SH3PXD2A: variants seen among roughly 807,000 people sequenced by gnomAD.
SH3PXD2A encodes SH3 and PX domains 2A.
SH3PXD2A carries 32 observed loss-of-function variants against 115.2 expected under a neutral mutation model. The ratio of observed to expected loss-of-function variants is 0.28; its 90% confidence interval spans 0.21 to 0.37. The LOEUF (loss-of-function observed/expected upper bound fraction) is 0.37. SH3PXD2A is among the 10% of genes least tolerant of loss of function. The pLI is 1.00. For synonymous variants in SH3PXD2A, 610 were observed against 629.1 expected (o/e 0.97, Z 0.45); for missense variants, 1,328 against 1,498.7 (o/e 0.89, Z 1.88).
chr10:103,786,126 C>A (rs943292781), intron 2 of SH3PXD2A, among the ~76,000 whole-genome samples: 1 of 152,190 alleles, frequency 6.6e-6, no homozygotes, highest in Non-Finnish European at 1.5e-5. Context: ...GCCCAGCCCC[C>A]ACCTGCCCCT....
chr10:103,787,623 G>A (rs1240963311), intron 2 of SH3PXD2A, among the ~76,000 whole-genome samples: 1 of 152,200 alleles, frequency 6.6e-6, no homozygotes, highest in East Asian at 1.9e-4. Flanking sequence ...TGGGGAGCAA[G>A]GCAGGCTGGC....
Position 103,603,799 on chromosome 10 carries a change from G to C in SH3PXD2A, c.1429-10C>G, listed in dbSNP as rs552048394. On this transcript the variant is annotated splice_polypyrimidine_tract_variant and intron_variant, in intron 14 of 14. Coordinates refer to ENST00000369774, the MANE Select transcript of SH3PXD2A (RefSeq NM_001394015.1). ...AGTTCTTATCAATGACCTGGGGTAC[G>C]AGTGCAGACAAGCCAGTGAGTTGGG... 1.3e-6 allele frequency: 2 copies of C among 1,583,480 alleles called. No homozygotes were observed. The highest frequency in any genetic ancestry group is 1.7e-6 in the Non-Finnish European group (2 of 1,169,826).
chr10:103,662,354 G>T lies in SH3PXD2A; in HGVS notation c.473-1240C>A, dbSNP rs1312892601. On this transcript the variant is annotated intron_variant, in intron 7 of 14. Transcript: ENST00000369774. Reference sequence around the variant, plus strand: ...CACCATTATTGGCGGGGGGGGGGGCGGGGGGGGATAAGACACTTAAAATAT... The same window carrying T: ...CACCATTATTGGCGGGGGGGGGGGCTGGGGGGGATAAGACACTTAAAATAT... Among the ~76,000 whole-genome samples the T allele has an allele frequency of 7.6e-5, 2 of 26,458 alleles. 1 individual carries two copies. Among genetic ancestry groups the T allele is most frequent in the African/African-American group, 3.2e-4 (2 of 6,242 alleles). 17.4% of individuals were successfully genotyped at this position (26,458 alleles called of 152,430 possible). A position where few individuals can be genotyped will look rare whatever the true frequency, so the allele number is the denominator to read the frequency against.
At chr10:103,696,625 C>T (rs1485541681) in intron 5 of SH3PXD2A, among the ~76,000 whole-genome samples, 7 of 152,170 alleles carry the variant, frequency 4.6e-5, no homozygotes, top group South Asian at 2.1e-4. Context: ...AGCCTGCTTC[C>T]GACTTGCTGC....
chr10:103,755,777 T>G (rs1337894815), intron 3 of SH3PXD2A, among the ~76,000 whole-genome samples: 3 of 152,170 alleles, frequency 2.0e-5, no homozygotes, highest in Non-Finnish European at 1.5e-5. Context: ...TTCCTGTCCC[T>G]GGAAGTTCTC....
At chr10:103,608,447 A>G (rs7068760) in intron 13 of SH3PXD2A, among the ~76,000 whole-genome samples, 3,469 of 150,210 alleles carry the variant, frequency 0.023, 124 homozygotes, top group African/African-American at 0.077. Context: ...AAAAAAAAAA[A>G]AAAGAAAAAT....
chr10:103,690,384 A>G (rs941213921), intron 6 of SH3PXD2A, among the ~76,000 whole-genome samples: 1 of 152,200 alleles, frequency 6.6e-6, no homozygotes, highest in African/African-American at 2.4e-5. Context: ...GAGCTTGAAG[A>G]CAGAGGGAGA....
chr10:103,676,189 T>G (rs375724684), intron 6 of SH3PXD2A, among the ~76,000 whole-genome samples: 1 of 152,348 alleles, frequency 6.6e-6, no homozygotes, highest in East Asian at 1.9e-4. Context: ...CCCTGGCCAC[T>G]GGCCAAGGCT....
intron 2 of SH3PXD2A, among the ~76,000 whole-genome samples, chr10:103,798,460 A>G (rs1195508415): frequency 6.6e-6 from 1 of 152,156 alleles, no homozygotes; most frequent in African/African-American, 2.4e-5. Flanking sequence ...CAGGCACACC[A>G]TCGCACCTCG....
chr10:103,630,515 G>C (rs912855182), intron 8 of SH3PXD2A, among the ~76,000 whole-genome samples: 1 of 152,158 alleles, frequency 6.6e-6, no homozygotes, highest in Non-Finnish European at 1.5e-5. Context: ...AGGAGCAAAC[G>C]TGGGTGCTTT....
At chr10:103,812,837 A>G (rs1221932832) in intron 1 of SH3PXD2A, among the ~76,000 whole-genome samples, 1 of 152,250 alleles carries the variant, frequency 6.6e-6, no homozygotes, top group Non-Finnish European at 1.5e-5. Context: ...CTTGAGAGAG[A>G]CAAGAACAAT....
intron 5 of SH3PXD2A, among the ~76,000 whole-genome samples, chr10:103,697,543 C>T (rs929108656): frequency 2.6e-5 from 4 of 152,152 alleles, no homozygotes; most frequent in Non-Finnish European, 5.9e-5. Context: ...CTCTGTCTAG[C>T]GCCGAGCACC....
At chr10:103,631,423 G>C (rs759274442) in intron 8 of SH3PXD2A, among the ~76,000 whole-genome samples, 1 of 151,982 alleles carries the variant, frequency 6.6e-6, no homozygotes, top group Non-Finnish European at 1.5e-5. Context: ...TAATATTTTC[G>C]GACCACGGTT....
At chr10:103,776,490 G>T (rs2038881349) in intron 2 of SH3PXD2A, among the ~76,000 whole-genome samples, 2 of 144,080 alleles carry the variant, frequency 1.4e-5, no homozygotes, top group South Asian at 4.5e-4. Flanking sequence ...TATTTAGTTT[G>T]CTAGGGCCAC....
chr10:103,667,766 T>A (rs1232650349), intron 7 of SH3PXD2A, among the ~76,000 whole-genome samples: 4 of 151,726 alleles, frequency 2.6e-5, no homozygotes, highest in Admixed American at 2.6e-4. Flanking sequence ...GGCTAGAGGG[T>A]CAGGGTGTGT....
chr10:103,782,351 C>T (rs1265680142), intron 2 of SH3PXD2A, among the ~76,000 whole-genome samples: 1 of 152,296 alleles, frequency 6.6e-6, no homozygotes, highest in East Asian at 1.9e-4. Context: ...CCTCATTGTT[C>T]TCTGCCATAA....
chr10:103,801,569 A>ACACACACACC (rs1191349603), intron 1 of SH3PXD2A, among the ~76,000 whole-genome samples: 5 of 150,744 alleles, frequency 3.3e-5, no homozygotes, highest in East Asian at 2.0e-4. Flanking sequence ...ACACACACAT[A>ACACACACACC]CCCCTAGAGG....
intron 5 of SH3PXD2A, among the ~76,000 whole-genome samples, chr10:103,717,002 G>A (rs35056927): frequency 0.068 from 10,352 of 152,304 alleles, 461 homozygotes; most frequent in Non-Finnish European, 0.11. Context: ...TGCTGACACC[G>A]TGCCAGGTTT....
intron 8 of SH3PXD2A, among the ~76,000 whole-genome samples, chr10:103,629,284 C>G (rs2036743705): frequency 1.3e-5 from 2 of 152,202 alleles, no homozygotes; most frequent in African/African-American, 4.8e-5. Flanking sequence ...GTGCTGGAAC[C>G]CACTAGTTGG....
Sources: allele counts gnomAD v4.1 joint callset (sites outside exome capture counted in the v4.1 genomes callset), GRCh38; gene constraint gnomAD v4.1.1; transcripts MANE v1.5; gene names NCBI Gene and HGNC (gene_info 2026-07-23, HGNC 2026-07-21).